The following MARCHF1 variants were observed in gnomAD, a reference collection of about 807,000 sequenced individuals.
MARCHF1 encodes the protein membrane associated ring-CH-type finger 1, also known as E3 ubiquitin-protein ligase MARCHF1.
A neutral mutation model predicts 54.2 loss-of-function variants in MARCHF1; 40 were observed. The observed-to-expected ratio is 0.74, with a 90% confidence interval of 0.57 to 0.96. The LOEUF (loss-of-function observed/expected upper bound fraction) is 0.96, where lower values mean the gene tolerates loss of function less well. Among genes scored for constraint, MARCHF1 ranks in the 40% least tolerant of loss-of-function variants. MARCHF1 has a pLI of 0.00. For synonymous variants in MARCHF1, 236 were observed against 236.3 expected (o/e 1.00, Z 0.01); for missense variants, 586 against 656.5 (o/e 0.89, Z 1.17).
chr4:164,084,296 A>T (rs985574273), intron 2 of MARCHF1, among the ~76,000 whole-genome samples: 4 of 151,860 alleles, frequency 2.6e-5, no homozygotes, highest in Non-Finnish European at 4.4e-5. Flanking sequence ...GAAACCATAG[A>T]TTATTGTTTA....
In MARCHF1 at chr4:164,354,087, C is replaced by T. The variant is rs1318658757; in HGVS notation, c.-323+29783G>A. Among the ~76,000 whole-genome samples, 18 of 83,458 alleles carry T rather than the reference C, an allele frequency of 2.2e-4. 2 individuals carry two copies. The highest frequency in any genetic ancestry group is 6.5e-4 in the African/African-American group (15 of 23,210). The allele number at this position is 83,458 out of a possible 152,430, so 54.8% of individuals were successfully genotyped here. On this transcript the variant is annotated intron_variant, in intron 1 of 9. Coordinates refer to ENST00000514618, the MANE Select transcript of MARCHF1 (RefSeq NM_001394959.1). ...GGAAGAAGTTGAATCTCTGAATAGA[C>T]GAATAACAGGAGCTGAAATTGGGGC...
intron 1 of MARCHF1, among the ~76,000 whole-genome samples, chr4:164,154,824 A>G (rs113813033): frequency 3.9e-5 from 6 of 152,304 alleles, no homozygotes; most frequent in East Asian, 1.9e-4. Context: ...CTGTATCCCA[A>G]GATCTTGTCC....
intron 1 of MARCHF1, chr4:164,189,539 A>C (rs1395815110): frequency 1.2e-6 from 1 of 860,246 alleles, no homozygotes; most frequent in African/African-American, 1.6e-5. Flanking sequence ...CATGGCATAA[A>C]CCCAGATGAA....
At position 164,164,264 on chromosome 4, in the gene MARCHF1, T is replaced by C. The variant is rs559818380; in HGVS notation, c.-322-52602A>G. On this transcript the variant is annotated intron_variant, in intron 1 of 9. Transcript: ENST00000514618. The stretch of plus-strand genomic sequence containing the variant: ...AGAAATCAATGAAATAGATAATTGA[T>C]TTAAAATTCATGAAAAGCCATAGAC... Among the ~76,000 whole-genome samples, 52 of 151,984 alleles carry C rather than the reference T, an allele frequency of 3.4e-4. 1 individual carries two copies. In the South Asian group the frequency reaches 0.011, roughly 31 times the overall value.
chr4:164,154,185 G>A (rs182117253), intron 1 of MARCHF1, among the ~76,000 whole-genome samples: 12 of 152,134 alleles, frequency 7.9e-5, no homozygotes, highest in African/African-American at 2.4e-4. Flanking sequence ...CTATTTAAAT[G>A]TAAAAAATAT....
At chr4:164,043,092 A>T (rs1754163240) in intron 2 of MARCHF1, among the ~76,000 whole-genome samples, 1 of 152,194 alleles carries the variant, frequency 6.6e-6, no homozygotes, top group Non-Finnish European at 1.5e-5. Flanking sequence ...ACATAGTGCA[A>T]GCTGTCAATG....
chr4:163,969,010 C>G (rs1363927659), intron 3 of MARCHF1, among the ~76,000 whole-genome samples: 3 of 152,110 alleles, frequency 2.0e-5, no homozygotes, highest in Non-Finnish European at 4.4e-5. Context: ...AGAAGCCAAG[C>G]TAAGCATTGC....
intron 1 of MARCHF1, among the ~76,000 whole-genome samples, chr4:164,317,331 C>A (rs115227924): frequency 1.2e-3 from 184 of 152,218 alleles, no homozygotes; most frequent in African/African-American, 4.3e-3. Context: ...AAGTTTAATT[C>A]TCTTACATTT....
At chr4:163,817,404 T>C (rs866272986) in intron 4 of MARCHF1, among the ~76,000 whole-genome samples, 17 of 151,540 alleles carry the variant, frequency 1.1e-4, no homozygotes, top group Admixed American at 5.3e-4. Flanking sequence ...TATACACATA[T>C]ACATATATAT....
intron 2 of MARCHF1, among the ~76,000 whole-genome samples, chr4:164,059,534 T>C (rs1262295890): frequency 6.6e-6 from 1 of 152,212 alleles, no homozygotes; most frequent in Non-Finnish European, 1.5e-5. Context: ...TATGAATTTA[T>C]TGGCAGAAAA....
In MARCHF1 at chr4:164,152,963, C is replaced by G. The variant is rs371415877; in HGVS notation, c.-322-41301G>C. On this transcript the variant is annotated intron_variant, in intron 1 of 9. Transcript: ENST00000514618. ...TCTTAATAGTATTTTATTGATGTCT[C>G]TTGCCTTCCTAAAATATATAAAATC... 2.4e-4 allele frequency among the ~76,000 whole-genome samples: 36 copies of G among 152,114 alleles called. 1 individual carries two copies. The highest frequency in any genetic ancestry group is 8.0e-4 in the African/African-American group (33 of 41,502).
intron 4 of MARCHF1, among the ~76,000 whole-genome samples, chr4:163,830,212 A>G (rs994447329): frequency 6.6e-6 from 1 of 151,990 alleles, no homozygotes; most frequent in African/African-American, 2.4e-5. Context: ...AATTTTTCAT[A>G]GATTTCCTAG....
intron 3 of MARCHF1, among the ~76,000 whole-genome samples, chr4:163,883,258 T>TGAGA (rs55714281): frequency 6.6e-4 from 96 of 145,550 alleles, no homozygotes; most frequent in African/African-American, 2.4e-3. Context: ...TATATATATA[T>TGAGA]GAGAGAGAGA....
At chr4:163,813,412 C>G (rs1001821340) in intron 4 of MARCHF1, among the ~76,000 whole-genome samples, 2 of 152,142 alleles carry the variant, frequency 1.3e-5, no homozygotes, top group East Asian at 1.9e-4. Flanking sequence ...ACTCATGACA[C>G]TCTCCTTCCA....
chr4:163,611,721 C>A (rs1044022092), intron 7 of MARCHF1, among the ~76,000 whole-genome samples: 2 of 152,020 alleles, frequency 1.3e-5, no homozygotes, highest in East Asian at 3.9e-4. Flanking sequence ...TAATGTGGCC[C>A]CCTTCCCTAC....
intron 1 of MARCHF1, among the ~76,000 whole-genome samples, chr4:164,211,648 A>G (rs1000347185): frequency 2.6e-5 from 4 of 152,090 alleles, no homozygotes; most frequent in African/African-American, 9.7e-5. Flanking sequence ...GTAGAAGGAA[A>G]CAAAAACTCT....
chr4:164,026,291 C>T (rs1753767237), intron 2 of MARCHF1, among the ~76,000 whole-genome samples: 1 of 151,990 alleles, frequency 6.6e-6, no homozygotes, highest in African/African-American at 2.4e-5. Context: ...AAAAAGAAAA[C>T]TTCAGATCAA....
At chr4:163,807,567 C>T (rs1288739402) in intron 4 of MARCHF1, among the ~76,000 whole-genome samples, 6 of 151,916 alleles carry the variant, frequency 3.9e-5, no homozygotes, top group Admixed American at 3.9e-4. Flanking sequence ...CAATAAAGGG[C>T]ATTGTTAAAT....
At chr4:164,211,411 T>C (rs182668583) in intron 1 of MARCHF1, among the ~76,000 whole-genome samples, 21 of 150,716 alleles carry the variant, frequency 1.4e-4, no homozygotes, top group Admixed American at 1.1e-3. Context: ...TATATATATA[T>C]ACCAATTGCA....
Sources: allele counts gnomAD v4.1 joint callset (sites outside exome capture counted in the v4.1 genomes callset), GRCh38; gene constraint gnomAD v4.1.1; transcripts MANE v1.5; gene names NCBI Gene and HGNC (gene_info 2026-07-23, HGNC 2026-07-21).